JARID2: variants seen among roughly 807,000 people sequenced by gnomAD.
JARID2 encodes the protein protein Jumonji.
Under a neutral mutation model 125.6 loss-of-function variants are expected in JARID2, and 21 were observed. That is an observed-to-expected ratio of 0.17 (90% CI 0.12 to 0.24). The LOEUF is 0.24. Among genes scored for constraint, JARID2 ranks in the 10% least tolerant of loss-of-function variants. JARID2 has a pLI of 1.00. For synonymous variants in JARID2, 736 were observed against 661.6 expected, an observed-to-expected ratio of 1.11 and a Z score of -1.73; for missense variants, 1,303 against 1,639.6, an observed-to-expected ratio of 0.79 and a Z score of 3.55.
At chr6:15,409,159 T>C (rs1053863813) in intron 2 of JARID2, among the ~76,000 whole-genome samples, 1 of 152,214 alleles carries the variant, frequency 6.6e-6, no homozygotes, top group African/African-American at 2.4e-5. Flanking sequence ...CTACATAGTG[T>C]TTAGTACAAC....
At chr6:15,280,404 C>T (rs552052131) in intron 1 of JARID2, among the ~76,000 whole-genome samples, 13 of 152,172 alleles carry the variant, frequency 8.5e-5, no homozygotes, top group Middle Eastern at 3.4e-3. Flanking sequence ...AATTTTCTTC[C>T]GTGTTCCTTC....
At chr6:15,265,437 T>G (rs530304442) in intron 1 of JARID2, among the ~76,000 whole-genome samples, 2 of 152,182 alleles carry the variant, frequency 1.3e-5, no homozygotes, top group African/African-American at 4.8e-5. Context: ...ATTTAAAGCC[T>G]TAATCATCCT....
At chr6:15,262,135 A>G (rs1238795990) in intron 1 of JARID2, among the ~76,000 whole-genome samples, 1 of 149,806 alleles carries the variant, frequency 6.7e-6, no homozygotes, top group African/African-American at 2.5e-5. Context: ...AGGTATGTAT[A>G]AATGAAGAAT....
chr6:15,357,433 A>G (rs1561811511), intron 1 of JARID2, among the ~76,000 whole-genome samples: 2 of 152,258 alleles, frequency 1.3e-5, no homozygotes, highest in African/African-American at 4.8e-5. Flanking sequence ...TGATTTAAAC[A>G]TTACATGTCA....
intron 3 of JARID2, among the ~76,000 whole-genome samples, chr6:15,427,999 T>C (rs1339063096): frequency 6.6e-6 from 1 of 152,168 alleles, no homozygotes; most frequent in African/African-American, 2.4e-5. Flanking sequence ...TGTTTCTTCT[T>C]ACTACTGTCG....
intron 9 of JARID2, chr6:15,505,169 C>T (rs910516724): frequency 6.6e-6 from 1 of 152,298 alleles, no homozygotes; most frequent in Non-Finnish European, 1.5e-5. Context: ...GGCCAGTGCC[C>T]AGCTGAGTCC....
At chr6:15,517,107 C>T (rs1215309898) in intron 16 of JARID2, 54 bp from the exon 17 acceptor site, 4 of 1,373,760 alleles carry the variant, frequency 2.9e-6, no homozygotes, top group Non-Finnish European at 4.2e-6. Flanking sequence ...CTTACCCTCC[C>T]AGGGCGCTGT....
chr6:15,321,501 C>T (rs1300989545), intron 1 of JARID2, among the ~76,000 whole-genome samples: 1 of 152,110 alleles, frequency 6.6e-6, no homozygotes, highest in African/African-American at 2.4e-5. Flanking sequence ...ATTACTTCTG[C>T]TCTGTTTCTT....
chr6:15,504,378 T>C, intron 8 of JARID2, 122 bp from the exon 9 acceptor site: 1 of 704,068 alleles, frequency 1.4e-6, no homozygotes, highest in African/African-American at 1.8e-5. Context: ...TAACTCAGAA[T>C]ACAAGGTGGC....
chr6:15,366,601 A>T (rs900946694), intron 1 of JARID2, among the ~76,000 whole-genome samples: 5 of 151,394 alleles, frequency 3.3e-5, no homozygotes, highest in Non-Finnish European at 5.9e-5. Context: ...GCTCTGTGTT[A>T]GGAGATCTTC....
intron 1 of JARID2, among the ~76,000 whole-genome samples, chr6:15,352,299 A>G (rs573918795): frequency 2.0e-5 from 3 of 151,838 alleles, no homozygotes; most frequent in South Asian, 2.1e-4. Flanking sequence ...TTAAGAAACT[A>G]TGTAGCCCCC....
intron 1 of JARID2, among the ~76,000 whole-genome samples, chr6:15,282,050 G>C (rs562630250): frequency 1.3e-5 from 2 of 151,966 alleles, no homozygotes; most frequent in African/African-American, 4.8e-5. Flanking sequence ...CCCGAGTTCA[G>C]ACCATTCTTG....
chr6:15,328,806 A>G lies in JARID2; in HGVS notation c.46-45311A>G, dbSNP rs565835974. ...CCTGTGCAGCACATGTTAATATGGCATGGGCTATTATTGCTGCAGGAAGGG... is the reference window on the plus strand; with the variant it reads ...CCTGTGCAGCACATGTTAATATGGCGTGGGCTATTATTGCTGCAGGAAGGG... On this transcript the variant is annotated intron_variant, in intron 1 of 17. Transcript: ENST00000341776. Among the ~76,000 whole-genome samples, 11 of 152,328 alleles carry G rather than the reference A, an allele frequency of 7.2e-5. No individual in the cohort carries two copies. In the East Asian group the frequency reaches 1.9e-3, roughly 27 times the overall value.
At chr6:15,460,771 C>A (rs769953732) in intron 4 of JARID2, among the ~76,000 whole-genome samples, 1 of 152,220 alleles carries the variant, frequency 6.6e-6, no homozygotes, top group Non-Finnish European at 1.5e-5. Context: ...GTGGCGTGAT[C>A]TCGGCTCACT....
chr6:15,385,968 C>A (rs928773467), intron 2 of JARID2, among the ~76,000 whole-genome samples: 5 of 152,296 alleles, frequency 3.3e-5, no homozygotes, highest in African/African-American at 9.6e-5. Context: ...TGTGTCCTTT[C>A]TTTCTGAACC....
intron 1 of JARID2, among the ~76,000 whole-genome samples, chr6:15,292,031 CT>C (rs1265997919): frequency 1.3e-5 from 2 of 150,916 alleles, no homozygotes; most frequent in Non-Finnish European, 3.0e-5. Context: ...TGTGATTAGG[CT>C]TTTTTTTTGA....
At chr6:15,397,198 G>C (rs1377934204) in intron 2 of JARID2, among the ~76,000 whole-genome samples, 1 of 152,040 alleles carries the variant, frequency 6.6e-6, no homozygotes, top group Non-Finnish European at 1.5e-5. Flanking sequence ...TGATGTTTTT[G>C]AAAGTCAAAT....
At chr6:15,325,030 T>C (rs1377781606) in intron 1 of JARID2, among the ~76,000 whole-genome samples, 1 of 152,066 alleles carries the variant, frequency 6.6e-6, no homozygotes, top group Non-Finnish European at 1.5e-5. Flanking sequence ...TGTATTCGTA[T>C]GTGTTTATAA....
At chr6:15,392,156 A>T (rs182872298) in intron 2 of JARID2, among the ~76,000 whole-genome samples, 1 of 151,584 alleles carries the variant, frequency 6.6e-6, no homozygotes, top group East Asian at 1.9e-4. Context: ...TTAGTTGATG[A>T]TTGCTGTCCT....
Sources: gnomAD v4.1 joint callset for allele counts (sites outside exome capture counted in the v4.1 genomes callset) on GRCh38, gnomAD v4.1.1 for gene constraint, MANE v1.5 for transcripts, NCBI Gene and HGNC (gene_info 2026-07-23, HGNC 2026-07-21) for gene names.